Variants in PCDH9 observed in about 807,000 individuals in gnomAD.
PCDH9 encodes the protein protocadherin-9.
A neutral mutation model predicts 70.6 loss-of-function variants in PCDH9; 24 were observed. That is an observed-to-expected ratio of 0.34 (90% CI 0.25 to 0.48). PCDH9 has a LOEUF of 0.48. Ranked by LOEUF, PCDH9 falls within the 20% of genes least tolerant of loss-of-function variation. PCDH9 has a pLI of 0.99. For missense variants in PCDH9, 1,281 were observed against 1,503.6 expected (o/e 0.85, Z 2.45); for synonymous variants, 562 against 558.5 (o/e 1.01, Z -0.09).
chr13:66,453,089 C>T (rs1002546206), intron 4 of PCDH9, among the ~76,000 whole-genome samples: 1 of 152,052 alleles, frequency 6.6e-6, no homozygotes, highest in African/African-American at 2.4e-5. Flanking sequence ...ATTTTCTGTC[C>T]TCAGGATGCT....
At chr13:66,851,921 C>T (rs2081320965) in intron 3 of PCDH9, among the ~76,000 whole-genome samples, 1 of 152,050 alleles carries the variant, frequency 6.6e-6, no homozygotes, top group Non-Finnish European at 1.5e-5. Context: ...GGTAAAGTTT[C>T]CCTTCCTACC....
rs545648818 is a variant in PCDH9, at chr13:66,846,028, G to T, written c.3138+57476C>A. 2.8e-3 allele frequency among the ~76,000 whole-genome samples: 420 copies of T among 150,646 alleles called. 5 individuals are homozygous for T. Among genetic ancestry groups the T allele is most frequent in the Non-Finnish European group, 3.5e-3 (241 of 67,890 alleles). ...GCTGATAATGTCATCCATGTATTTAGAGAGTTTAAAATATGGATTATCAAC... is the reference window on the plus strand; with the variant it reads ...GCTGATAATGTCATCCATGTATTTATAGAGTTTAAAATATGGATTATCAAC... On this transcript the variant is annotated intron_variant, in intron 3 of 4. Transcript: ENST00000377865.
At chr13:66,350,152 C>A (rs1257600336) in intron 4 of PCDH9, among the ~76,000 whole-genome samples, 3 of 152,112 alleles carry the variant, frequency 2.0e-5, no homozygotes, top group Non-Finnish European at 4.4e-5. Flanking sequence ...TATTTCAAGT[C>A]AAAAATAAGT....
chr13:67,125,791 T>C (rs2086965849), intron 2 of PCDH9, among the ~76,000 whole-genome samples: 1 of 152,098 alleles, frequency 6.6e-6, no homozygotes, highest in Non-Finnish European at 1.5e-5. Flanking sequence ...GTCTTGCATT[T>C]TCCTACCTTT....
intron 2 of PCDH9, among the ~76,000 whole-genome samples, chr13:66,959,285 C>T (rs1313095106): frequency 1.3e-5 from 2 of 152,228 alleles, no homozygotes; most frequent in East Asian, 3.9e-4. Flanking sequence ...GAAAGTGTGA[C>T]TTTAAAATTT....
At chr13:66,733,406 C>T (rs935469683) in intron 3 of PCDH9, among the ~76,000 whole-genome samples, 1 of 152,122 alleles carries the variant, frequency 6.6e-6, no homozygotes, top group African/African-American at 2.4e-5. Flanking sequence ...TTCCTCCACA[C>T]TAATTATTTT....
At chr13:66,782,721 G>A (rs909853807) in intron 3 of PCDH9, 1 of 152,034 alleles carries the variant, frequency 6.6e-6, no homozygotes, top group Non-Finnish European at 1.5e-5. Flanking sequence ...CACATTTGTG[G>A]CTCATATTAC....
intron 3 of PCDH9, among the ~76,000 whole-genome samples, chr13:66,783,213 CG>C (rs2080027468): frequency 6.6e-6 from 1 of 152,056 alleles, no homozygotes; most frequent in African/African-American, 2.4e-5. Context: ...AGACTCTGCA[CG>C]TGAATTTCTT....
intron 2 of PCDH9, among the ~76,000 whole-genome samples, chr13:66,909,908 G>T (rs561302391): frequency 4.9e-4 from 75 of 152,212 alleles, no homozygotes; most frequent in Admixed American, 1.0e-3. Flanking sequence ...ATTTTGCAAA[G>T]TTCACCTTTT....
chr13:67,076,162 C>T (rs1419122353), intron 2 of PCDH9, among the ~76,000 whole-genome samples: 1 of 152,092 alleles, frequency 6.6e-6, no homozygotes, highest in African/African-American at 2.4e-5. Context: ...TGAGCACTTT[C>T]TATGTGCCAG....
intron 2 of PCDH9, among the ~76,000 whole-genome samples, chr13:66,971,199 G>A (rs1387763126): frequency 6.6e-6 from 1 of 152,064 alleles, no homozygotes; most frequent in African/African-American, 2.4e-5. Flanking sequence ...GCTGAGAACA[G>A]TCAGGAAATT....
intron 2 of PCDH9, among the ~76,000 whole-genome samples, chr13:67,004,327 T>A (rs1397296653): frequency 6.6e-6 from 1 of 150,514 alleles, no homozygotes; most frequent in African/African-American, 2.4e-5. Context: ...TCCCAGCATT[T>A]TGGGAGGCCG....
chr13:66,687,876 T>C (rs1024511944), intron 3 of PCDH9, among the ~76,000 whole-genome samples: 3 of 152,154 alleles, frequency 2.0e-5, no homozygotes, highest in Admixed American at 2.0e-4. Context: ...CTGTTGCTCA[T>C]TACTTCTATG....
chr13:66,974,531 C>A (rs2083581527), intron 2 of PCDH9, among the ~76,000 whole-genome samples: 1 of 151,952 alleles, frequency 6.6e-6, no homozygotes, highest in African/African-American at 2.4e-5. Context: ...GAGGGGGAGA[C>A]AGTCCTGGCA....
intron 3 of PCDH9, among the ~76,000 whole-genome samples, chr13:66,648,562 C>G (rs539797061): frequency 6.6e-6 from 1 of 152,114 alleles, no homozygotes; most frequent in East Asian, 1.9e-4. Context: ...GTCACAACAC[C>G]CAACTCCCTT....
In PCDH9 at chr13:66,789,506, T is replaced by A. The variant is rs542890935; in HGVS notation, c.3138+113998A>T. On this transcript the variant is annotated intron_variant, in intron 3 of 4. Transcript: ENST00000377865. ...AAATCTATCCACAGTGGGTTTATTTTTTTTTATTTTTTTTCCAGCTAGGAA... is the reference window on the plus strand; with the variant it reads ...AAATCTATCCACAGTGGGTTTATTTATTTTTATTTTTTTTCCAGCTAGGAA... Among the ~76,000 whole-genome samples the A allele has an allele frequency of 4.7e-4, 71 of 152,244 alleles. 1 individual carries two copies. In the East Asian group the frequency reaches 0.013, roughly 27 times the overall value.
intron 4 of PCDH9, among the ~76,000 whole-genome samples, chr13:66,608,650 G>T (rs2077252237): frequency 6.6e-6 from 1 of 151,618 alleles, no homozygotes; most frequent in African/African-American, 2.4e-5. Flanking sequence ...ATAGAAGATG[G>T]CTCTATCAAA....
chr13:66,646,926 G>A lies in PCDH9; in HGVS notation c.3139-15515C>T, dbSNP rs115293323. On this transcript the variant is annotated intron_variant, in intron 3 of 4. Coordinates refer to ENST00000377865, the MANE Select transcript of PCDH9 (RefSeq NM_203487.3). Reference sequence around the variant, plus strand: ...GAGAGCGCAGTGATTGTGAGACTTTGCATTGGAACTCGGTGCTGCCCTGTC... The same window carrying A: ...GAGAGCGCAGTGATTGTGAGACTTTACATTGGAACTCGGTGCTGCCCTGTC... Among the ~76,000 whole-genome samples, 603 of 152,244 alleles carry A rather than the reference G, an allele frequency of 4.0e-3. 1 individual carries two copies. Among genetic ancestry groups the A allele is most frequent in the African/African-American group, 0.014 (584 of 41,532 alleles).
intron 3 of PCDH9, among the ~76,000 whole-genome samples, chr13:66,703,308 C>T (rs1200071391): frequency 6.6e-6 from 1 of 152,192 alleles, no homozygotes; most frequent in Non-Finnish European, 1.5e-5. Context: ...CTAGCTCATA[C>T]AAGCAATACC....
Sources: gnomAD v4.1 joint callset for allele counts (sites outside exome capture counted in the v4.1 genomes callset) on GRCh38, gnomAD v4.1.1 for gene constraint, MANE v1.5 for transcripts, NCBI Gene and HGNC (gene_info 2026-07-23, HGNC 2026-07-21) for gene names.